Variants in NKAIN2 observed in about 807,000 individuals in gnomAD.
NKAIN2 encodes the protein sodium/potassium-transporting ATPase subunit beta-1-interacting protein 2.
A neutral mutation model predicts 32.6 loss-of-function variants in NKAIN2; 14 were observed. The observed-to-expected ratio is 0.43, with a 90% CI of 0.28 to 0.67. The LOEUF is 0.67. Among genes scored for constraint, NKAIN2 ranks in the 30% least tolerant of loss-of-function variants. The pLI is 0.17. For synonymous variants in NKAIN2, 80 were observed against 87.2 expected, an observed-to-expected ratio of 0.92 and a Z score of 0.46; for missense variants, 198 against 258.3, an observed-to-expected ratio of 0.77 and a Z score of 1.60.
intron 3 of NKAIN2, among the ~76,000 whole-genome samples, chr6:124,422,735 C>T (rs904223916): frequency 6.6e-6 from 1 of 152,346 alleles, no homozygotes; most frequent in East Asian, 1.9e-4. Context: ...TTTTACTATT[C>T]TCAACAGGGT....
chr6:124,170,892 C>T lies in NKAIN2; in HGVS notation c.55-112113C>T, dbSNP rs558936971. ...TTCTGACAAAATTTATCACATTTGA[C>T]TCATTAGTTCTTTATAAGTTTTTTC... On this transcript the variant is annotated intron_variant, in intron 1 of 6. Transcript: ENST00000368417. Among the ~76,000 whole-genome samples, 4 of 152,188 alleles carry T rather than the reference C, an allele frequency of 2.6e-5. No individual in the cohort carries two copies. In the South Asian group the frequency reaches 8.3e-4, roughly 32 times the overall value.
At chr6:124,024,046 G>A (rs1780992016) in intron 1 of NKAIN2, among the ~76,000 whole-genome samples, 1 of 151,898 alleles carries the variant, frequency 6.6e-6, no homozygotes, top group Non-Finnish European at 1.5e-5. Context: ...TAGAAATAGG[G>A]GGTGCAATTG....
intron 3 of NKAIN2, among the ~76,000 whole-genome samples, chr6:124,513,127 C>G (rs1391223465): frequency 6.6e-6 from 1 of 152,070 alleles, no homozygotes; most frequent in Non-Finnish European, 1.5e-5. Flanking sequence ...CACACGGACT[C>G]CTTTTCATCA....
chr6:124,541,148 T>C (rs1484317093), intron 3 of NKAIN2, among the ~76,000 whole-genome samples: 1 of 152,190 alleles, frequency 6.6e-6, no homozygotes, highest in African/African-American at 2.4e-5. Context: ...CACCTCCCTC[T>C]GTCAGCCAGT....
At chr6:124,369,160 A>G (rs1407528) in intron 3 of NKAIN2, among the ~76,000 whole-genome samples, 94,670 of 151,974 alleles carry the variant, frequency 0.62, 29,697 homozygotes, top group African/African-American at 0.7. Context: ...GTAAGCAATT[A>G]CCATCCTTGT....
intron 1 of NKAIN2, among the ~76,000 whole-genome samples, chr6:123,962,844 G>C (rs1486422923): frequency 6.6e-6 from 1 of 152,126 alleles, no homozygotes; most frequent in Non-Finnish European, 1.5e-5. Flanking sequence ...CTTGCGCCTA[G>C]GCTTACTCCT....
intron 1 of NKAIN2, among the ~76,000 whole-genome samples, chr6:124,128,727 A>G (rs1361101233): frequency 6.6e-6 from 1 of 152,218 alleles, no homozygotes; most frequent in South Asian, 2.1e-4. Context: ...TTTCTTGCTG[A>G]CATTCATACA....
intron 4 of NKAIN2, among the ~76,000 whole-genome samples, chr6:124,751,385 T>C (rs1010189405): frequency 1.3e-5 from 2 of 151,928 alleles, no homozygotes; most frequent in Non-Finnish European, 2.9e-5. Context: ...AAAGGGGTGT[T>C]AGGAGCCTAG....
rs947773875 is a variant in NKAIN2, at chr6:124,791,270, G to A, written c.475-69G>A. The A allele has an allele frequency of 4.2e-6, 5 of 1,188,488 alleles. No individual in the cohort carries two copies. In the African/African-American group the frequency reaches 6.0e-5, roughly 14 times the overall value. The allele number at this position is 1,188,488 out of a possible 1,614,324, so 73.6% of individuals were successfully genotyped here. On this transcript the variant is annotated intron_variant, in intron 4 of 6. Coordinates refer to ENST00000368417, the MANE Select transcript of NKAIN2 (RefSeq NM_001040214.3). ...GTTGTAAACTGCCTGACTTTGAAAA[G>A]CCACTCTCCAGTGAGGTCTGGTGTT...
chr6:124,411,133 C>G (rs1171110830), intron 3 of NKAIN2, among the ~76,000 whole-genome samples: 2 of 152,080 alleles, frequency 1.3e-5, no homozygotes, highest in African/African-American at 2.4e-5. Flanking sequence ...GACTCTTTAT[C>G]CAGTTTGCCA....
At chr6:124,077,201 C>T (rs940785409) in intron 1 of NKAIN2, among the ~76,000 whole-genome samples, 11 of 152,206 alleles carry the variant, frequency 7.2e-5, no homozygotes, top group African/African-American at 2.7e-4. Context: ...TGCTGGAATA[C>T]ATTAGGACAA....
intron 1 of NKAIN2, among the ~76,000 whole-genome samples, chr6:124,248,889 T>G (rs1793551974): frequency 6.6e-6 from 1 of 152,220 alleles, no homozygotes; most frequent in Middle Eastern, 3.4e-3. Flanking sequence ...CAGCAAACTT[T>G]CTCCTGTGAT....
At chr6:123,962,954 T>C (rs1777913346) in intron 1 of NKAIN2, among the ~76,000 whole-genome samples, 1 of 152,152 alleles carries the variant, frequency 6.6e-6, no homozygotes, top group Non-Finnish European at 1.5e-5. Context: ...TGGACCTCAG[T>C]AAGAACCTGA....
At chr6:124,603,280 T>C (rs1165107060) in intron 3 of NKAIN2, among the ~76,000 whole-genome samples, 1 of 152,018 alleles carries the variant, frequency 6.6e-6, no homozygotes, top group African/African-American at 2.4e-5. Context: ...ATGCCATGTC[T>C]GTTTTTAAAG....
chr6:124,710,478 G>C (rs1775384779), intron 4 of NKAIN2, among the ~76,000 whole-genome samples: 1 of 151,824 alleles, frequency 6.6e-6, no homozygotes, highest in Admixed American at 6.6e-5. Context: ...TCTCTTTGTA[G>C]GTCACTCAGG....
chr6:124,475,216 G>T (rs559460687), intron 3 of NKAIN2, among the ~76,000 whole-genome samples: 1 of 152,156 alleles, frequency 6.6e-6, no homozygotes, highest in South Asian at 2.1e-4. Context: ...GATCTTTTGT[G>T]AACCTGAGCA....
At chr6:124,238,405 A>G (rs937665219) in intron 1 of NKAIN2, among the ~76,000 whole-genome samples, 1 of 152,188 alleles carries the variant, frequency 6.6e-6, no homozygotes, top group Non-Finnish European at 1.5e-5. Flanking sequence ...ATTTCAGACA[A>G]GTAGGAAATG....
chr6:124,716,889 C>T (rs1358369938), intron 4 of NKAIN2, among the ~76,000 whole-genome samples: 1 of 152,048 alleles, frequency 6.6e-6, no homozygotes, highest in Non-Finnish European at 1.5e-5. Flanking sequence ...GGATAAGCTC[C>T]ATGAGGGCAG....
At chr6:123,917,547 C>T (rs1296247482) in intron 1 of NKAIN2, among the ~76,000 whole-genome samples, 1 of 152,264 alleles carries the variant, frequency 6.6e-6, no homozygotes, top group South Asian at 2.1e-4. Flanking sequence ...TGTATAGCCA[C>T]ATATGAAGGG....
Sources: gnomAD v4.1 joint callset for allele counts (sites outside exome capture counted in the v4.1 genomes callset) on GRCh38, gnomAD v4.1.1 for gene constraint, MANE v1.5 for transcripts, NCBI Gene and HGNC (gene_info 2026-07-23, HGNC 2026-07-21) for gene names.